Variants in NEK1 observed in about 807,000 individuals in gnomAD.
The protein encoded by NEK1 is NIMA related kinase 1, also known as serine/threonine-protein kinase Nek1.
Under a neutral mutation model 182.1 loss-of-function variants are expected in NEK1, and 137 were observed. That is an observed-to-expected ratio of 0.75 (90% CI 0.65 to 0.87). The LOEUF (loss-of-function observed/expected upper bound fraction) is 0.87. NEK1 is among the 40% of genes least tolerant of loss of function. NEK1 has a pLI of 0.00. For synonymous variants in NEK1, 513 were observed against 492.2 expected, an observed-to-expected ratio of 1.04 and a Z score of -0.56; for missense variants, 1,391 against 1,494.4, an observed-to-expected ratio of 0.93 and a Z score of 1.14.
intron 19 of NEK1, among the ~76,000 whole-genome samples, chr4:169,511,530 A>G (rs1250265521): frequency 3.3e-5 from 5 of 152,154 alleles, no homozygotes; most frequent in Admixed American, 6.6e-5. Flanking sequence ...GATATACAGA[A>G]AGGTGAAAAG....
chr4:169,462,378 C>T (rs1345937500), intron 27 of NEK1, among the ~76,000 whole-genome samples: 3 of 151,912 alleles, frequency 2.0e-5, no homozygotes, highest in Non-Finnish European at 2.9e-5. Context: ...CACTTTTTGC[C>T]TTTTTTGCAG....
At position 169,492,338 on chromosome 4, in the gene NEK1, T is replaced by C. The variant is rs547611108; in HGVS notation, c.2008-12804A>G. Among the ~76,000 whole-genome samples, 7 of 152,272 alleles carry C rather than the reference T, an allele frequency of 4.6e-5. No homozygotes were observed. The East Asian group carries it at 9.7e-4, about 21-fold the overall frequency. ...ACAGAGGGAACAGAGCCAGGACCTG[T>C]TGGAGTACCCACGTGAAGAAGATTG... On this transcript the variant is annotated intron_variant, in intron 23 of 35. Coordinates refer to ENST00000507142, the MANE Select transcript of NEK1 (RefSeq NM_001199397.3).
At chr4:169,460,416 C>T (rs530995770) in intron 27 of NEK1, among the ~76,000 whole-genome samples, 14 of 151,880 alleles carry the variant, frequency 9.2e-5, no homozygotes, top group Middle Eastern at 3.4e-3. Flanking sequence ...TTCACTATTA[C>T]GAGAATATCA....
chr4:169,478,675 A>T (rs1472444403), intron 24 of NEK1, among the ~76,000 whole-genome samples: 1 of 152,132 alleles, frequency 6.6e-6, no homozygotes, highest in Non-Finnish European at 1.5e-5. Context: ...CTAAACAAAT[A>T]AAAAGCACAG....
At chr4:169,549,586 C>A (rs950357730) in intron 18 of NEK1, among the ~76,000 whole-genome samples, 3 of 151,926 alleles carry the variant, frequency 2.0e-5, no homozygotes, top group Non-Finnish European at 2.9e-5. Context: ...CCATGCCTGG[C>A]TAATTTTTGT....
chr4:169,415,851 T>C (rs1447764206), intron 31 of NEK1, among the ~76,000 whole-genome samples: 1 of 152,174 alleles, frequency 6.6e-6, no homozygotes, highest in African/African-American at 2.4e-5. Flanking sequence ...TTAAAGTACA[T>C]TAAAGGAATG....
At chr4:169,412,334 T>A (rs1366092548) in intron 31 of NEK1, among the ~76,000 whole-genome samples, 2 of 152,218 alleles carry the variant, frequency 1.3e-5, no homozygotes, top group African/African-American at 4.8e-5. Flanking sequence ...TTAAACTGCT[T>A]ATCACCTGTC....
chr4:169,557,537 T>C (rs1478190522), intron 16 of NEK1, among the ~76,000 whole-genome samples: 1 of 151,958 alleles, frequency 6.6e-6, no homozygotes, highest in South Asian at 2.1e-4. Context: ...AAAAAAACCA[T>C]TTTCTGAGTG....
chr4:169,447,520 A>T (rs562304454), intron 27 of NEK1, among the ~76,000 whole-genome samples: 1 of 152,230 alleles, frequency 6.6e-6, no homozygotes, highest in African/African-American at 2.4e-5. Context: ...AGAATATTAG[A>T]ACACTGTAAT....
rs568296280 is a variant in NEK1, at chr4:169,573,744, C to T, written c.1020+3184G>A. Reference sequence around the variant, plus strand: ...AACACAGGAAGTGGTGATCAGGGAACGGGATGATTATAAATGAGGCTAAGA... The same window carrying T: ...AACACAGGAAGTGGTGATCAGGGAATGGGATGATTATAAATGAGGCTAAGA... On this transcript the variant is annotated intron_variant, in intron 12 of 35. Coordinates refer to ENST00000507142, the MANE Select transcript of NEK1 (RefSeq NM_001199397.3). Among the ~76,000 whole-genome samples the T allele has an allele frequency of 1.2e-4, 19 of 152,096 alleles. No homozygotes were observed. The South Asian group carries it at 3.7e-3, about 30-fold the overall frequency.
At chr4:169,443,575 A>G (rs2149442650) in intron 27 of NEK1, among the ~76,000 whole-genome samples, 1 of 151,246 alleles carries the variant, frequency 6.6e-6, no homozygotes, top group East Asian at 1.9e-4. Flanking sequence ...GGTGTTTCAG[A>G]AAAAAAAAGA....
chr4:169,513,951 T>C (rs528238460), intron 19 of NEK1, among the ~76,000 whole-genome samples: 27 of 151,424 alleles, frequency 1.8e-4, no homozygotes, highest in African/African-American at 6.5e-4. Context: ...TACTAAAATT[T>C]TATTGAGGAT....
At chr4:169,532,442 GAGTGAGC>G (rs1407153910) in intron 19 of NEK1, among the ~76,000 whole-genome samples, 1 of 152,176 alleles carries the variant, frequency 6.6e-6, no homozygotes, top group Non-Finnish European at 1.5e-5. Flanking sequence ...TTAGCACCAA[GAGTGAGC>G]GGTAATGTAA....
chr4:169,483,182 CAG>C (rs1237448170), intron 23 of NEK1, among the ~76,000 whole-genome samples: 1 of 152,148 alleles, frequency 6.6e-6, no homozygotes, highest in Admixed American at 6.5e-5. Context: ...AGGAGTGAGA[CAG>C]GGGAACTACC....
At chr4:169,465,768 T>C (rs1744808278) in intron 26 of NEK1, among the ~76,000 whole-genome samples, 1 of 152,080 alleles carries the variant, frequency 6.6e-6, no homozygotes, top group Non-Finnish European at 1.5e-5. Context: ...ACAGTAATAC[T>C]AATAAATACT....
intron 27 of NEK1, among the ~76,000 whole-genome samples, chr4:169,455,699 G>C (rs34259327): frequency 0.041 from 6,251 of 152,106 alleles, 169 homozygotes; most frequent in African/African-American, 0.063. Context: ...TCTCAGCATT[G>C]AACAGATCAT....
At position 169,507,976 on chromosome 4, in the gene NEK1, T is replaced by C. The variant is rs537172587; in HGVS notation, c.1834-184A>G. 8.1e-4 allele frequency among the ~76,000 whole-genome samples: 124 copies of C among 152,264 alleles called. 3 individuals are homozygous for C. The South Asian group carries it at 0.025, about 30-fold the overall frequency. ...CACCACTATCAGCCTTTCAGAACAA[T>C]GGAACAAAAAGATAATGATATAAAA... is the stretch of plus-strand genomic sequence containing the variant. On this transcript the variant is annotated intron_variant, in intron 21 of 35. Transcript: ENST00000507142.
intron 19 of NEK1, among the ~76,000 whole-genome samples, chr4:169,523,270 A>C (rs753900481): frequency 6.6e-6 from 1 of 152,224 alleles, no homozygotes; most frequent in Non-Finnish European, 1.5e-5. Flanking sequence ...TCATAAATTC[A>C]TATGTTGAAG....
chr4:169,502,617 A>G (rs1752598183), intron 23 of NEK1, among the ~76,000 whole-genome samples: 1 of 152,102 alleles, frequency 6.6e-6, no homozygotes, highest in African/African-American at 2.4e-5. Context: ...CATAAACAGA[A>G]TTTTAAAAAA....
Sources: gnomAD v4.1 joint callset for allele counts (sites outside exome capture counted in the v4.1 genomes callset) on GRCh38, gnomAD v4.1.1 for gene constraint, MANE v1.5 for transcripts, NCBI Gene and HGNC (gene_info 2026-07-23, HGNC 2026-07-21) for gene names.